Variants in OPRM1 observed in about 807,000 individuals in gnomAD.
The protein encoded by OPRM1 is opioid receptor mu 1, also known as mu-type opioid receptor.
Under a neutral mutation model 31.8 loss-of-function variants are expected in OPRM1, and 27 were observed. The ratio of observed to expected loss-of-function variants is 0.85; its 90% CI spans 0.63 to 1.17. The LOEUF (loss-of-function observed/expected upper bound fraction) is 1.17. OPRM1 is among the 50% of genes most tolerant of loss of function. OPRM1 has a pLI of 0.00. For missense variants in OPRM1, 536 were observed against 511.1 expected, an observed-to-expected ratio of 1.05 and a Z score of -0.47; for synonymous variants, 196 against 189.9, an observed-to-expected ratio of 1.03 and a Z score of -0.26.
chr6:154,071,681 C>A (rs2128454329), intron 1 of OPRM1, among the ~76,000 whole-genome samples: 1 of 152,146 alleles, frequency 6.6e-6, no homozygotes, highest in South Asian at 2.1e-4. Flanking sequence ...AGTGTGCTGT[C>A]CTAAAGCAAG....
At chr6:154,206,178 A>T in intron 3 of OPRM1, among the ~76,000 whole-genome samples, 1 of 152,228 alleles carries the variant, frequency 6.6e-6, no homozygotes, top group African/African-American at 2.4e-5. Context: ...CATAAAGAAT[A>T]TTCTTCATGA....
intron 1 of OPRM1, among the ~76,000 whole-genome samples, chr6:154,027,982 G>C (rs1011053904): frequency 6.6e-6 from 1 of 152,132 alleles, no homozygotes; most frequent in Non-Finnish European, 1.5e-5. Flanking sequence ...GGCCAAGCTG[G>C]TGTCTAAGGT....
At chr6:154,197,916 A>T (rs1006727899) in intron 3 of OPRM1, among the ~76,000 whole-genome samples, 4 of 152,170 alleles carry the variant, frequency 2.6e-5, no homozygotes, top group Non-Finnish European at 4.4e-5. Context: ...TAGATGTAGT[A>T]CTTTTTATTA....
intron 1 of OPRM1, among the ~76,000 whole-genome samples, chr6:154,077,736 A>G (rs939751576): frequency 3.9e-5 from 6 of 151,968 alleles, no homozygotes; most frequent in Non-Finnish European, 7.4e-5. Context: ...ATCTAAAAAA[A>G]TAATTAATTA....
At chr6:154,214,341 C>A in intron 3 of OPRM1, 1 of 1,081,854 alleles carries the variant, frequency 9.2e-7, no homozygotes, top group Non-Finnish European at 1.4e-6. Context: ...TCACCTTCCC[C>A]CAGAGTTTGT....
intron 3 of OPRM1, among the ~76,000 whole-genome samples, chr6:154,171,895 A>G (rs1051929859): frequency 6.6e-6 from 1 of 152,232 alleles, no homozygotes; most frequent in African/African-American, 2.4e-5. Context: ...AATTCTACTT[A>G]GATTAAGGCA....
chr6:154,116,590 A>C (rs1425721720), intron 3 of OPRM1, among the ~76,000 whole-genome samples: 2 of 151,914 alleles, frequency 1.3e-5, no homozygotes, highest in Non-Finnish European at 2.9e-5. Flanking sequence ...GCCTCAAAAA[A>C]AAAAAAAAAA....
intron 3 of OPRM1, among the ~76,000 whole-genome samples, chr6:154,238,548 G>A (rs1342937950): frequency 1.3e-5 from 2 of 152,176 alleles, no homozygotes; most frequent in African/African-American, 4.8e-5. Context: ...TCATAGGCAT[G>A]AGCCACTACA....
intron 1 of OPRM1, among the ~76,000 whole-genome samples, chr6:154,055,415 A>AT (rs1562405971): frequency 6.6e-6 from 1 of 152,132 alleles, no homozygotes; most frequent in African/African-American, 2.4e-5. Flanking sequence ...ACAAAAAAAA[A>AT]AAAATAAAAG....
At chr6:154,070,928 A>C (rs1477749886) in intron 1 of OPRM1, among the ~76,000 whole-genome samples, 1 of 152,222 alleles carries the variant, frequency 6.6e-6, no homozygotes, top group East Asian at 1.9e-4. Context: ...CTACCTTAAA[A>C]GGCAGGTTTT....
Position 154,152,296 on chromosome 6 carries a change from GAAGAAAGAAAGAAAGAAAGA to G in OPRM1, c.1164+60856_1164+60875del, listed in dbSNP as rs1165338713. 1.0e-3 allele frequency among the ~76,000 whole-genome samples: 98 copies of G among 96,588 alleles called. 1 individual carries two copies. Among genetic ancestry groups the G allele is most frequent in the East Asian group, 6.6e-3 (23 of 3,476 alleles). The allele number at this position is 96,588 out of a possible 152,430, so 63.4% of individuals were successfully genotyped here. ...AAGAAAAGGAAAGAAAAGGAAGAGAGAAGAAAGAAAGAAAGAAAGAAAGAAAGAAAGAAAGAAAGAAAGAA... is the reference window on the plus strand; with the variant it reads ...AAGAAAAGGAAAGAAAAGGAAGAGAGAAGAAAGAAAGAAAGAAAGAAAGAA... On this transcript the variant is annotated intron_variant, in intron 3 of 3. Transcript: ENST00000337049.
Position 154,039,376 on chromosome 6 carries a change from C to G in OPRM1, c.-169C>G. On this transcript the variant is annotated 5_prime_UTR_variant, in exon 1 of 4. Coordinates refer to ENST00000330432, the MANE Select transcript of OPRM1 (RefSeq NM_000914.5). ...AGAGGAGAATGTCAGATGCTCAGCT[C>G]GGTCCCCTCCGCCTGACGCTCCTCT... The G allele has an allele frequency of 1.3e-6, 2 of 1,544,890 alleles. No individual in the cohort carries two copies. Among genetic ancestry groups the G allele is most frequent in the Middle Eastern group, 1.7e-4 (1 of 5,942 alleles).
chr6:154,184,331 G>A (rs1445572513), intron 3 of OPRM1, among the ~76,000 whole-genome samples: 3 of 151,894 alleles, frequency 2.0e-5, no homozygotes, highest in Non-Finnish European at 4.4e-5. Flanking sequence ...ATCTTTTGGA[G>A]AATAAATAAT....
At chr6:154,152,174 A>C (rs868673986) in intron 3 of OPRM1, among the ~76,000 whole-genome samples, 5,612 of 147,832 alleles carry the variant, frequency 0.038, 428 homozygotes, top group African/African-American at 0.14. Flanking sequence ...TGAAAACAAA[A>C]AAAAAAAAGA....
chr6:154,091,507 G>T, intron 3 of OPRM1, 35 bp downstream of exon 3: 1 of 1,568,992 alleles, frequency 6.4e-7, no homozygotes, highest in African/African-American at 1.4e-5. Flanking sequence ...TATCTACTGG[G>T]GATGACATAA....
At chr6:154,089,277 A>C (rs1336535607) in intron 1 of OPRM1, among the ~76,000 whole-genome samples, 1 of 151,796 alleles carries the variant, frequency 6.6e-6, no homozygotes, top group African/African-American at 2.4e-5. Context: ...AATGACTGAC[A>C]CATTACAAAA....
chr6:154,137,017 C>A (rs1798077593), downstream of OPRM1, among the ~76,000 whole-genome samples: 1 of 152,160 alleles, frequency 6.6e-6, no homozygotes, highest in Non-Finnish European at 1.5e-5. Context: ...CCACTAAGAT[C>A]TTTATGATCT....
chr6:154,208,590 G>A (rs977109972), intron 3 of OPRM1, among the ~76,000 whole-genome samples: 2 of 152,218 alleles, frequency 1.3e-5, no homozygotes, highest in Non-Finnish European at 2.9e-5. Context: ...TGTGTTCCAA[G>A]TATTTAGAAT....
In OPRM1 at chr6:154,091,447, A is replaced by T. The variant is rs376756256; in HGVS notation, c.1139A>T (p.Asn380Ile). Residue 380 changes from asparagine (N) to isoleucine (I), a missense_variant, in exon 3 of 4, where the codon AAT becomes ATT. Physicochemically the swap from Asn to Ile is moderately radical, Grantham distance 149. Transcript: ENST00000330432. ...QNTRDHPSTA[N>I]TVDRTNHQLE... ...ACTAGAGACCACCCCTCCACGGCCAATACAGTGGATAGAACTAATCATCAG... is the reference window on the plus strand; with the variant it reads ...ACTAGAGACCACCCCTCCACGGCCATTACAGTGGATAGAACTAATCATCAG... 1 of 1,612,984 alleles carries T rather than the reference A, an allele frequency of 6.2e-7. No homozygotes were observed. Among genetic ancestry groups the T allele is most frequent in the African/African-American group, 1.3e-5 (1 of 75,036 alleles).
Sources: gnomAD v4.1 joint callset for allele counts (sites outside exome capture counted in the v4.1 genomes callset) on GRCh38, gnomAD v4.1.1 for gene constraint, MANE v1.5 for transcripts, NCBI Gene and HGNC (gene_info 2026-07-23, HGNC 2026-07-21) for gene names.